Variants in METTL15 observed in about 807,000 individuals in gnomAD.
The protein encoded by METTL15 is 12S rRNA N(4)-cytidine methyltransferase METTL15.
A neutral mutation model predicts 38.3 loss-of-function variants in METTL15; 34 were observed. The ratio of observed to expected loss-of-function variants is 0.89; its 90% confidence interval spans 0.68 to 1.18. The LOEUF (loss-of-function observed/expected upper bound fraction) is 1.18, where lower values mean the gene tolerates loss of function less well. Ranked by LOEUF, METTL15 falls within the 50% of genes most tolerant of loss-of-function variation. METTL15 has a pLI of 0.00. For synonymous variants in METTL15, 162 were observed against 170.9 expected, an observed-to-expected ratio of 0.95 and a Z score of 0.41; for missense variants, 438 against 498.4, an observed-to-expected ratio of 0.88 and a Z score of 1.15.
intron 4 of METTL15, among the ~76,000 whole-genome samples, chr11:28,276,380 T>A (rs1164649828): frequency 6.6e-6 from 1 of 152,040 alleles, no homozygotes; most frequent in African/African-American, 2.4e-5. Flanking sequence ...GGAATAAATT[T>A]AACCAAGGAG....
Position 28,153,068 on chromosome 11 carries a change from T to G in METTL15, c.270+39464T>G, listed in dbSNP as rs748652408. Among the ~76,000 whole-genome samples, 5 of 152,160 alleles carry G rather than the reference T, an allele frequency of 3.3e-5. No individual in the cohort carries two copies. The South Asian group carries it at 8.3e-4, about 25-fold the overall frequency. ...ATAATGTGCAGTGAGGGGGACCAGA[T>G]GTCACTTTCATGGCCATCTTGGTTT... On this transcript the variant is annotated intron_variant, in intron 3 of 6. Transcript: ENST00000407364.
At chr11:28,148,127 C>A (rs764717390) in intron 3 of METTL15, among the ~76,000 whole-genome samples, 4 of 151,836 alleles carry the variant, frequency 2.6e-5, no homozygotes, top group Non-Finnish European at 5.9e-5. Flanking sequence ...CTTCTTGAGT[C>A]ATATCTTGGG....
chr11:28,472,820 A>G (rs1322709706), intron 6 of METTL15, among the ~76,000 whole-genome samples: 1 of 152,224 alleles, frequency 6.6e-6, no homozygotes, highest in Non-Finnish European at 1.5e-5. Flanking sequence ...AACAATAAAC[A>G]AGAAATTCTT....
chr11:28,433,730 T>G (rs1177525979), intron 6 of METTL15, among the ~76,000 whole-genome samples: 1 of 152,120 alleles, frequency 6.6e-6, no homozygotes, highest in Non-Finnish European at 1.5e-5. Flanking sequence ...TGAAGGTCTT[T>G]AAGTAGATTA....
intron 5 of METTL15, among the ~76,000 whole-genome samples, chr11:28,293,572 G>A (rs559778877): frequency 6.6e-6 from 1 of 151,990 alleles, no homozygotes; most frequent in East Asian, 1.9e-4. Flanking sequence ...CTTTAAAGTA[G>A]TTTTTTCCAA....
chr11:28,288,633 A>AG (rs1420107629), intron 4 of METTL15, among the ~76,000 whole-genome samples: 1 of 152,050 alleles, frequency 6.6e-6, no homozygotes, highest in African/African-American at 2.4e-5. Context: ...GGACACATAG[A>AG]GGGGAACAAC....
At chr11:28,248,507 C>T (rs1450199733) in intron 4 of METTL15, among the ~76,000 whole-genome samples, 1 of 152,010 alleles carries the variant, frequency 6.6e-6, no homozygotes, top group African/African-American at 2.4e-5. Flanking sequence ...TCCATTTTGC[C>T]TGAAGTGAAA....
chr11:28,383,453 ATAGTT>A (rs1425930838), intron 5 of METTL15, among the ~76,000 whole-genome samples: 2 of 152,318 alleles, frequency 1.3e-5, no homozygotes, highest in East Asian at 3.9e-4. Flanking sequence ...TTTTGGTAGA[ATAGTT>A]TATATTCCTT....
chr11:28,297,004 T>C, intron 6 of METTL15, 73 bp downstream of exon 6: 1 of 1,451,358 alleles, frequency 6.9e-7, no homozygotes, highest in Non-Finnish European at 9.6e-7. Context: ...TTTGTGTGCA[T>C]GCACGCATGC....
intron 6 of METTL15, among the ~76,000 whole-genome samples, chr11:28,320,264 G>A (rs927955216): frequency 6.7e-5 from 10 of 149,452 alleles, no homozygotes; most frequent in African/African-American, 9.9e-5. Context: ...TTGTAGAGCC[G>A]TGCTTAAAAA....
At chr11:28,221,725 G>C (rs571989928) in intron 4 of METTL15, among the ~76,000 whole-genome samples, 3 of 152,186 alleles carry the variant, frequency 2.0e-5, no homozygotes, top group African/African-American at 7.2e-5. Flanking sequence ...GTACAGATGG[G>C]GTTTTGGTGT....
At chr11:28,495,968 C>T (rs1851532500) in intron 6 of METTL15, among the ~76,000 whole-genome samples, 1 of 152,180 alleles carries the variant, frequency 6.6e-6, no homozygotes, top group Non-Finnish European at 1.5e-5. Flanking sequence ...CTTCAGATAT[C>T]CTGAATGCAT....
chr11:28,281,061 A>C (rs1360682879), intron 4 of METTL15, among the ~76,000 whole-genome samples: 1 of 151,776 alleles, frequency 6.6e-6, no homozygotes, highest in Non-Finnish European at 1.5e-5. Context: ...ATTTTATTTC[A>C]CACATTGTTT....
At chr11:28,304,882 G>A (rs56017743) in intron 6 of METTL15, among the ~76,000 whole-genome samples, 1 of 151,938 alleles carries the variant, frequency 6.6e-6, no homozygotes, top group Admixed American at 6.6e-5. Flanking sequence ...TACTAACATT[G>A]CTGTGATTAA....
intron 3 of METTL15, among the ~76,000 whole-genome samples, chr11:28,170,568 T>C (rs1420017762): frequency 6.6e-6 from 1 of 152,140 alleles, no homozygotes; most frequent in Non-Finnish European, 1.5e-5. Context: ...TACGCTAAAC[T>C]AGGGGTGTAT....
intron 6 of METTL15, among the ~76,000 whole-genome samples, chr11:28,463,754 C>T (rs887252056): frequency 1.3e-4 from 20 of 151,942 alleles, no homozygotes; most frequent in African/African-American, 4.8e-4. Flanking sequence ...CCTCTGGTCT[C>T]GGTGGCTCCT....
intron 3 of METTL15, among the ~76,000 whole-genome samples, chr11:28,159,275 C>T (rs754664758): frequency 2.0e-5 from 3 of 151,922 alleles, no homozygotes; most frequent in Admixed American, 6.6e-5. Flanking sequence ...TACGCCGCAA[C>T]GGAGGTAAGG....
intron 4 of METTL15, among the ~76,000 whole-genome samples, chr11:28,226,616 G>A (rs910194707): frequency 6.6e-6 from 1 of 151,874 alleles, no homozygotes; most frequent in Non-Finnish European, 1.5e-5. Flanking sequence ...GCAATGGCAA[G>A]TCTCGAACTC....
At chr11:28,219,704 A>C (rs1015669401) in intron 4 of METTL15, among the ~76,000 whole-genome samples, 3 of 152,106 alleles carry the variant, frequency 2.0e-5, no homozygotes, top group African/African-American at 7.2e-5. Context: ...ATTTAGTGCT[A>C]TAAATTTCCC....
Sources: gnomAD v4.1 joint callset for allele counts (sites outside exome capture counted in the v4.1 genomes callset) on GRCh38, gnomAD v4.1.1 for gene constraint, MANE v1.5 for transcripts, NCBI Gene and HGNC (gene_info 2026-07-23, HGNC 2026-07-21) for gene names.